The following LRFN2 variants were observed in gnomAD, a reference collection of about 807,000 sequenced individuals.
LRFN2 encodes the protein leucine rich repeat and fibronectin type III domain containing 2, also known as leucine-rich repeat and fibronectin type-III domain-containing protein 2.
A neutral mutation model predicts 37.3 loss-of-function variants in LRFN2; 18 were observed. The ratio of observed to expected loss-of-function variants is 0.48; its 90% CI spans 0.33 to 0.72. LRFN2 has a LOEUF of 0.72. Among genes scored for constraint, LRFN2 ranks in the 30% least tolerant of loss-of-function variants. The pLI is 0.02. For missense variants in LRFN2, 1,006 were observed against 1,060.7 expected (o/e 0.95, Z 0.72); for synonymous variants, 556 against 466.6 (o/e 1.19, Z -2.47).
intron 1 of LRFN2, among the ~76,000 whole-genome samples, chr6:40,569,292 A>G (rs1219031672): frequency 6.6e-6 from 1 of 152,190 alleles, no homozygotes; most frequent in East Asian, 1.9e-4. Flanking sequence ...CCTGGAACCA[A>G]GGGAGAGTTG....
Position 40,392,162 on chromosome 6 carries a change from C to G in LRFN2, c.2151G>C (p.Lys717Asn). 1 of 1,603,870 alleles carries G rather than the reference C, an allele frequency of 6.2e-7. No individual in the cohort carries two copies. The highest frequency in any genetic ancestry group is 8.5e-7 in the Non-Finnish European group (1 of 1,174,670). The change falls in exon 3 of 3, where the codon AAG (lysine) becomes AAC (asparagine). Residue 717 changes from lysine to asparagine, a missense_variant. Physicochemically the swap from Lys to Asn is moderately conservative, Grantham distance 94 (BLOSUM62 0). Transcript: ENST00000338305. This position sits in a 1 kb window ranked among gnomAD's most constrained non-coding sequence, Gnocchi z 4.7. ...TGTCGAAGGAGTGGCTGCGTTTGGCCTTGCCCTCCAACGGCAAGGGGAGCA... is the reference window on the plus strand; with the variant it reads ...TGTCGAAGGAGTGGCTGCGTTTGGCGTTGCCCTCCAACGGCAAGGGGAGCA... ...RSLLPLPLEG[K>N]AKRSHSFDMG...
intron 1 of LRFN2, among the ~76,000 whole-genome samples, chr6:40,511,560 C>G (rs1765709674): frequency 6.6e-6 from 1 of 152,180 alleles, no homozygotes; most frequent in South Asian, 2.1e-4. Context: ...GGAGTGTGTG[C>G]TCTGTTTTGT....
intron 1 of LRFN2, among the ~76,000 whole-genome samples, chr6:40,547,419 A>C (rs963456699): frequency 6.6e-6 from 1 of 151,996 alleles, no homozygotes; most frequent in African/African-American, 2.4e-5. Flanking sequence ...ACCTTAATTA[A>C]ATGTCAGTTA....
chr6:40,470,382 C>A (rs895330556), intron 1 of LRFN2, among the ~76,000 whole-genome samples: 1 of 152,186 alleles, frequency 6.6e-6, no homozygotes, highest in Non-Finnish European at 1.5e-5. Context: ...GAGGCCAAAG[C>A]GAGCAGATCA....
intron 1 of LRFN2, among the ~76,000 whole-genome samples, chr6:40,479,854 C>T (rs959831622): frequency 1.3e-5 from 2 of 152,242 alleles, no homozygotes; most frequent in African/African-American, 4.8e-5. Context: ...ACGCAAGGCC[C>T]TGCCAGCCCT....
chr6:40,395,322 C>G (rs1762592334), intron 2 of LRFN2, among the ~76,000 whole-genome samples: 1 of 152,216 alleles, frequency 6.6e-6, no homozygotes. Context: ...ACGGTCTGGG[C>G]TTGTTCCTCA....
intron 1 of LRFN2, among the ~76,000 whole-genome samples, chr6:40,514,160 G>A (rs887460178): frequency 2.0e-5 from 3 of 152,076 alleles, no homozygotes; most frequent in African/African-American, 7.2e-5. Context: ...GCATTCCCAA[G>A]GAATGCTCTA....
chr6:40,497,238 C>T (rs1476673507), intron 1 of LRFN2, among the ~76,000 whole-genome samples: 2 of 152,188 alleles, frequency 1.3e-5, no homozygotes, highest in Non-Finnish European at 2.9e-5. Flanking sequence ...GCAGTTCCCC[C>T]CAGATGTCCC....
intron 2 of LRFN2, among the ~76,000 whole-genome samples, chr6:40,416,642 C>T (rs1054714240): frequency 2.6e-5 from 4 of 152,186 alleles, no homozygotes; most frequent in Non-Finnish European, 5.9e-5. Context: ...TGTCTTTCCT[C>T]TCCCTGACTC....
chr6:40,452,420 G>C (rs1764131283), intron 1 of LRFN2, among the ~76,000 whole-genome samples: 1 of 152,224 alleles, frequency 6.6e-6, no homozygotes, highest in Non-Finnish European at 1.5e-5. Flanking sequence ...GCAAAGTCAT[G>C]ATAGCCAGTG....
intron 1 of LRFN2, among the ~76,000 whole-genome samples, chr6:40,527,072 T>C (rs1766268719): frequency 6.6e-6 from 1 of 152,200 alleles, no homozygotes; most frequent in Non-Finnish European, 1.5e-5. Flanking sequence ...GGCCCCTAAA[T>C]GTGAGACCAG....
chr6:40,442,100 A>G (rs913411582), intron 1 of LRFN2, among the ~76,000 whole-genome samples: 1 of 152,014 alleles, frequency 6.6e-6, no homozygotes, highest in Non-Finnish European at 1.5e-5. Flanking sequence ...ACCCCAGTTC[A>G]CTAACACACC....
intron 1 of LRFN2, among the ~76,000 whole-genome samples, chr6:40,463,670 A>ATTTTTTTTTTTTTTT (rs66745321): frequency 2.6e-5 from 2 of 76,526 alleles, no homozygotes; most frequent in African/African-American, 5.1e-5. Context: ...CTTTCTTTCT[A>ATTTTTTTTTTTTTTT]TTTTTTTTTT....
At chr6:40,401,885 C>T (rs1173147986) in intron 2 of LRFN2, among the ~76,000 whole-genome samples, 1 of 152,172 alleles carries the variant, frequency 6.6e-6, no homozygotes, top group African/African-American at 2.4e-5. Flanking sequence ...TGTTGAGCCT[C>T]AGCACTAATT....
At chr6:40,576,749 G>A (rs1373196494) in intron 1 of LRFN2, among the ~76,000 whole-genome samples, 2 of 152,168 alleles carry the variant, frequency 1.3e-5, no homozygotes, top group Non-Finnish European at 2.9e-5. Context: ...ACTGAGCTGG[G>A]GCTTTGGGTC....
chr6:40,513,234 A>AT (rs199587651), intron 1 of LRFN2, among the ~76,000 whole-genome samples: 1,497 of 144,518 alleles, frequency 0.01, 17 homozygotes, highest in African/African-American at 0.027. Flanking sequence ...TCATTTAACA[A>AT]TTTTTTTTTT....
intron 1 of LRFN2, among the ~76,000 whole-genome samples, chr6:40,538,760 T>C (rs1038971643): frequency 5.9e-5 from 9 of 152,314 alleles, no homozygotes; most frequent in Middle Eastern, 3.4e-3. Context: ...GTCTCAGATA[T>C]GCCCGTTGTG....
chr6:40,523,164 T>C (rs1466529518), intron 1 of LRFN2, among the ~76,000 whole-genome samples: 1 of 152,204 alleles, frequency 6.6e-6, no homozygotes, highest in African/African-American at 2.4e-5. Context: ...TATGTGTCAC[T>C]GGACCAAATG....
At chr6:40,576,565 T>C (rs564866861) in intron 1 of LRFN2, among the ~76,000 whole-genome samples, 4 of 152,316 alleles carry the variant, frequency 2.6e-5, no homozygotes, top group South Asian at 4.1e-4. Context: ...TAACTCATGA[T>C]CCATTGCTCT....
Sources: allele counts gnomAD v4.1 joint callset (sites outside exome capture counted in the v4.1 genomes callset), GRCh38; gene constraint gnomAD v4.1.1; non-coding constraint Gnocchi (gnomAD v3.1); transcripts MANE v1.5; gene names NCBI Gene and HGNC (gene_info 2026-07-23, HGNC 2026-07-21).